Variants in DDX31 observed in about 807,000 individuals in gnomAD.
DDX31 encodes ATP-dependent DNA helicase DDX31.
Under a neutral mutation model 91.3 loss-of-function variants are expected in DDX31, and 70 were observed. The ratio of observed to expected loss-of-function variants is 0.77; its 90% CI spans 0.63 to 0.94. DDX31 has a LOEUF of 0.94. Among genes scored for constraint, DDX31 ranks in the 40% least tolerant of loss-of-function variants. The pLI is 0.00. For synonymous variants in DDX31, 362 were observed against 350.6 expected (o/e 1.03, Z -0.36); for missense variants, 902 against 925.0 (o/e 0.98, Z 0.32).
At chr9:132,636,311 A>G (rs1418719542) in intron 14 of DDX31, among the ~76,000 whole-genome samples, 1 of 152,208 alleles carries the variant, frequency 6.6e-6, no homozygotes, top group African/African-American at 2.4e-5. Context: ...CACTTTCTAC[A>G]CCAACTACAG....
At chr9:132,667,845 C>T (rs1257620852) in intron 1 of DDX31, among the ~76,000 whole-genome samples, 1 of 152,158 alleles carries the variant, frequency 6.6e-6, no homozygotes, top group Non-Finnish European at 1.5e-5. Context: ...ATACTGTTGG[C>T]ATTTATTAAG....
intron 6 of DDX31, among the ~76,000 whole-genome samples, chr9:132,655,274 T>C (rs1228433429): frequency 1.3e-5 from 2 of 152,112 alleles, no homozygotes; most frequent in Non-Finnish European, 2.9e-5. Context: ...GGTACATACA[T>C]ACATACAATG....
chr9:132,642,025 T>C lies in DDX31; in HGVS notation c.1419A>G (p.Arg473=). ...GTACCGTGCAAAGAAGGACGCCTCT[T>C]CTGGAATGTGAAAATTCCTGAAACA... ...TAVFQEFSHS[R]RGVLLCTDVA... Residue 473 remains arginine, a synonymous_variant, in exon 14 of 20, where the codon AGA becomes AGG. Transcript: ENST00000372159. The C allele has an allele frequency of 6.2e-7, 1 of 1,614,200 alleles. No individual in the cohort carries two copies.
At chr9:132,662,160 C>T (rs1475919791) in intron 3 of DDX31, 101 bp downstream of exon 3, 4 of 1,153,028 alleles carry the variant, frequency 3.5e-6, no homozygotes, top group Admixed American at 2.1e-5. Context: ...CAGAAACAAA[C>T]ACTCTCTGAT....
chr9:132,658,175 A>G (rs1834690845), intron 6 of DDX31: 1 of 652,906 alleles, frequency 1.5e-6, no homozygotes, highest in African/African-American at 1.8e-5. Context: ...TGGCCCCTAC[A>G]TAGCACAGGA....
intron 13 of DDX31, among the ~76,000 whole-genome samples, chr9:132,642,665 A>G (rs1217657429): frequency 1.3e-5 from 2 of 151,900 alleles, no homozygotes; most frequent in Non-Finnish European, 2.9e-5. Flanking sequence ...GCATCCTACT[A>G]TTTATACTAT....
At chr9:132,634,838 T>TG (rs1833008324) in intron 14 of DDX31, among the ~76,000 whole-genome samples, 1 of 152,072 alleles carries the variant, frequency 6.6e-6, no homozygotes, top group Non-Finnish European at 1.5e-5. Flanking sequence ...CCCAAAGCGT[T>TG]GGGATTACAG....
At chr9:132,631,904 G>C (rs969074063) in intron 15 of DDX31, 137 bp downstream of exon 15, 4 of 729,232 alleles carry the variant, frequency 5.5e-6, no homozygotes, top group Non-Finnish European at 6.6e-6. Context: ...GAATTGAACA[G>C]ATAAGGCTGG....
At chr9:132,668,385 CAA>C (rs889217517) in intron 1 of DDX31, among the ~76,000 whole-genome samples, 9 of 152,008 alleles carry the variant, frequency 5.9e-5, no homozygotes, top group Non-Finnish European at 1.0e-4. Flanking sequence ...GAAAGCTCTT[CAA>C]AAAAACTCCT....
Position 132,662,302 on chromosome 9 carries a change from T to A in DDX31, c.367A>T (p.Thr123Ser), listed in dbSNP as rs1835017828. 6.2e-7 allele frequency: 1 copy of A among 1,614,168 alleles called. No individual in the cohort carries two copies. Among genetic ancestry groups the A allele is most frequent in the African/African-American group, 1.3e-5 (1 of 75,042 alleles). The stretch of plus-strand genomic sequence containing the variant: ...CCCAGCTCATGAAAAGCAGCTGAAG[T>A]AAACACTTTTTCTTGCACCTGCTTT... Reference protein sequence around the residue: ...VVKQVQEKVFTSAAFHELGLH... With the variant: ...VVKQVQEKVFSSAAFHELGLH... Residue 123 changes from threonine to serine, a missense_variant, in exon 3 of 20, where the codon ACT becomes TCT. Transcript: ENST00000372159.
chr9:132,612,328 G>T, intron 18 of DDX31, 73 bp from the exon 19 acceptor site: 1 of 1,560,764 alleles, frequency 6.4e-7, no homozygotes, highest in Non-Finnish European at 8.8e-7. Flanking sequence ...CCGGCCTAAT[G>T]GTTATCTTCT....
chr9:132,612,068 C>T lies in DDX31; in HGVS notation c.1994+19G>A, dbSNP rs190226377. The T allele has an allele frequency of 2.9e-5, 47 of 1,608,458 alleles. No individual in the cohort carries two copies. In the East Asian group the frequency reaches 6.3e-4, roughly 21 times the overall value. On this transcript the variant is annotated intron_variant, in intron 19 of 19. Coordinates refer to ENST00000372159, the MANE Select transcript of DDX31 (RefSeq NM_022779.9). ...GGAGCTCTCTAGCCCCGTCACGGGA[C>T]GAATTCAGCTCATCTTACCTTTTCA...
At chr9:132,630,011 C>T (rs536075599) in intron 16 of DDX31, among the ~76,000 whole-genome samples, 71 of 152,328 alleles carry the variant, frequency 4.7e-4, no homozygotes, top group African/African-American at 1.5e-3. Flanking sequence ...GCAGGAGAAA[C>T]GAAACGCAGC....
chr9:132,637,904 T>G (rs573700582), intron 14 of DDX31: 1 of 992,390 alleles, frequency 1.0e-6, no homozygotes, highest in African/African-American at 1.7e-5. Flanking sequence ...AGAACTGACA[T>G]TGTGACTCTT....
At chr9:132,647,626 C>T (rs987517350) in intron 11 of DDX31, among the ~76,000 whole-genome samples, 1 of 152,104 alleles carries the variant, frequency 6.6e-6, no homozygotes, top group African/African-American at 2.4e-5. Flanking sequence ...GACAGAAAAA[C>T]GTGAAAGCTG....
chr9:132,660,020 C>T (rs1834832832), intron 4 of DDX31, among the ~76,000 whole-genome samples: 1 of 152,140 alleles, frequency 6.6e-6, no homozygotes, highest in Admixed American at 6.5e-5. Context: ...ACTGGCCATT[C>T]TATTAAACTA....
At chr9:132,631,236 G>C (rs1055135068) in intron 15 of DDX31, among the ~76,000 whole-genome samples, 1 of 152,112 alleles carries the variant, frequency 6.6e-6, no homozygotes, top group African/African-American at 2.4e-5. Flanking sequence ...ATAATGTATG[G>C]GAGGCTAGGC....
intron 14 of DDX31, among the ~76,000 whole-genome samples, 178 bp from the exon 15 acceptor site, chr9:132,632,269 C>CAT (rs1483529305): frequency 1.4e-5 from 2 of 145,466 alleles, no homozygotes; most frequent in Non-Finnish European, 3.0e-5. Flanking sequence ...CACACACACA[C>CAT]ACACACACAC....
intron 16 of DDX31, among the ~76,000 whole-genome samples, chr9:132,629,829 A>G (rs1832614703): frequency 6.6e-6 from 1 of 152,184 alleles, no homozygotes; most frequent in Non-Finnish European, 1.5e-5. Context: ...CCTCAAAATC[A>G]TTTCCCCTGG....
Sources: allele counts gnomAD v4.1 joint callset (sites outside exome capture counted in the v4.1 genomes callset), GRCh38; gene constraint gnomAD v4.1.1; transcripts MANE v1.5; gene names NCBI Gene and HGNC (gene_info 2026-07-23, HGNC 2026-07-21).